Variants in ST7 observed in about 807,000 individuals in gnomAD.
ST7 encodes suppressor of tumorigenicity 7 protein.
In ST7, 28 loss-of-function variants were observed where a neutral mutation model predicts 78.7. The ratio of observed to expected loss-of-function variants is 0.36; its 90% CI spans 0.26 to 0.49. ST7 has a LOEUF of 0.49. Among genes scored for constraint, ST7 ranks in the 20% least tolerant of loss-of-function variants. ST7 has a pLI of 0.99. For missense variants in ST7, 418 were observed against 696.0 expected, an observed-to-expected ratio of 0.60 and a Z score of 4.49; for synonymous variants, 247 against 249.6, an observed-to-expected ratio of 0.99 and a Z score of 0.10.
At chr7:117,074,784 T>C (rs1799225735) in intron 1 of ST7, 1 of 152,204 alleles carries the variant, frequency 6.6e-6, no homozygotes, top group Non-Finnish European at 1.5e-5. Flanking sequence ...AAATTAGATG[T>C]GATTGGCTTC....
At chr7:117,096,163 T>C (rs1246810902) in intron 1 of ST7, among the ~76,000 whole-genome samples, 1 of 151,840 alleles carries the variant, frequency 6.6e-6, no homozygotes, top group Non-Finnish European at 1.5e-5. Context: ...GTCCAATTTT[T>C]AGGCACTTTA....
chr7:117,078,837 A>G (rs1040176333), intron 1 of ST7, among the ~76,000 whole-genome samples: 3 of 152,206 alleles, frequency 2.0e-5, no homozygotes, highest in Admixed American at 6.5e-5. Flanking sequence ...TAACTCAGCA[A>G]TTAAGTCATG....
At chr7:117,141,224 C>T (rs17139387) in intron 9 of ST7, among the ~76,000 whole-genome samples, 10,759 of 152,146 alleles carry the variant, frequency 0.071, 517 homozygotes, top group East Asian at 0.19. Context: ...TTAAAACTTT[C>T]CTAGAGCAGA....
At chr7:117,002,195 T>G (rs1324345516) in intron 1 of ST7, among the ~76,000 whole-genome samples, 1 of 152,072 alleles carries the variant, frequency 6.6e-6, no homozygotes, top group African/African-American at 2.4e-5. Flanking sequence ...GCCACTGTAC[T>G]CCAGCCTGGG....
At chr7:117,018,607 A>G (rs1795728833) in intron 1 of ST7, among the ~76,000 whole-genome samples, 1 of 152,172 alleles carries the variant, frequency 6.6e-6, no homozygotes, top group African/African-American at 2.4e-5. Context: ...AGTGTGCTTA[A>G]GAGCATTGCT....
chr7:116,981,593 C>G (rs1201777391), intron 1 of ST7, among the ~76,000 whole-genome samples: 2 of 152,170 alleles, frequency 1.3e-5, no homozygotes, highest in South Asian at 4.1e-4. Flanking sequence ...ATTCTATTCT[C>G]TTTTGTAGAT....
At chr7:117,180,234 A>T (rs533514920) in intron 10 of ST7, among the ~76,000 whole-genome samples, 3 of 152,176 alleles carry the variant, frequency 2.0e-5, no homozygotes, top group East Asian at 1.9e-4. Flanking sequence ...GTCAGGACCT[A>T]TGTAGCCCAT....
chr7:116,986,114 T>A (rs1297437748), intron 1 of ST7, among the ~76,000 whole-genome samples: 1 of 152,272 alleles, frequency 6.6e-6, no homozygotes, highest in East Asian at 1.9e-4. Context: ...ACTACAGATG[T>A]GAGCCACCAC....
At chr7:117,017,711 C>A (rs1205423235) in intron 1 of ST7, among the ~76,000 whole-genome samples, 2 of 152,164 alleles carry the variant, frequency 1.3e-5, no homozygotes, top group African/African-American at 4.8e-5. Flanking sequence ...CTTTAGACAA[C>A]ATATTAAACT....
Position 116,976,262 on chromosome 7 carries a change from AAAC to A in ST7, c.151+22580_151+22582del, listed in dbSNP as rs1354984050. 7.2e-5 allele frequency among the ~76,000 whole-genome samples: 11 copies of A among 152,212 alleles called. No individual in the cohort carries two copies. The East Asian group carries it at 1.5e-3, about 21-fold the overall frequency. ...CTGGGTGACAGAGCAAGACTCTCTC[AAAC>A]AACAACAATAACAACAACAACAACA... On this transcript the variant is annotated intron_variant, in intron 1 of 15. Coordinates refer to ENST00000323984, the MANE Select transcript of ST7 (RefSeq NM_001369598.1).
chr7:117,116,098 T>A (rs188666052), intron 2 of ST7, among the ~76,000 whole-genome samples: 122 of 152,320 alleles, frequency 8.0e-4, no homozygotes, highest in African/African-American at 2.8e-3. Context: ...ATGGTAAGGT[T>A]CCTGTTGACT....
intron 2 of ST7, among the ~76,000 whole-genome samples, chr7:117,116,730 G>T (rs1303676538): frequency 6.6e-6 from 1 of 152,136 alleles, no homozygotes; most frequent in Non-Finnish European, 1.5e-5. Flanking sequence ...TGACAGACCT[G>T]AGAAGGCCCT....
intron 1 of ST7, among the ~76,000 whole-genome samples, chr7:117,031,390 A>G (rs62470798): frequency 9.0e-6 from 1 of 110,736 alleles, no homozygotes; most frequent in African/African-American, 3.4e-5. Context: ...ATATATGTGT[A>G]TATATGTGCA....
At chr7:116,964,371 A>G (rs1468130435) in intron 1 of ST7, among the ~76,000 whole-genome samples, 1 of 152,320 alleles carries the variant, frequency 6.6e-6, no homozygotes, top group East Asian at 1.9e-4. Flanking sequence ...TGTTTATTGA[A>G]CGTTCCTAAT....
intron 1 of ST7, chr7:117,072,595 T>C (rs549558442): frequency 6.6e-6 from 1 of 152,374 alleles, no homozygotes; most frequent in African/African-American, 2.4e-5. Context: ...TACTGTCTTT[T>C]CTGAGAATCC....
chr7:116,992,118 C>G (rs1034671134), intron 1 of ST7, among the ~76,000 whole-genome samples: 1 of 152,188 alleles, frequency 6.6e-6, no homozygotes, highest in African/African-American at 2.4e-5. Flanking sequence ...GTGTCTGTGG[C>G]TGTTCCAGGT....
chr7:117,045,093 A>G (rs1305334815), intron 1 of ST7, among the ~76,000 whole-genome samples: 2 of 152,122 alleles, frequency 1.3e-5, no homozygotes, highest in South Asian at 4.1e-4. Context: ...CTTCAAATGT[A>G]TCACCATTGC....
intron 1 of ST7, among the ~76,000 whole-genome samples, chr7:116,992,295 T>C (rs1225820511): frequency 6.6e-6 from 1 of 152,248 alleles, no homozygotes; most frequent in Non-Finnish European, 1.5e-5. Flanking sequence ...GAGAGCCCTA[T>C]ACCTGCAGTG....
At chr7:117,109,081 A>C (rs1052876321) in intron 2 of ST7, among the ~76,000 whole-genome samples, 1 of 152,154 alleles carries the variant, frequency 6.6e-6, no homozygotes, top group African/African-American at 2.4e-5. Flanking sequence ...ACCGATTTGA[A>C]TGCCCTTTAT....
Sources: allele counts gnomAD v4.1 joint callset (sites outside exome capture counted in the v4.1 genomes callset), GRCh38; gene constraint gnomAD v4.1.1; transcripts MANE v1.5; gene names NCBI Gene and HGNC (gene_info 2026-07-23, HGNC 2026-07-21).